Variants in ADAMTS6 observed in about 807,000 individuals in gnomAD.
The protein encoded by ADAMTS6 is ADAM metallopeptidase with thrombospondin type 1 motif 6.
Under a neutral mutation model 144.3 loss-of-function variants are expected in ADAMTS6, and 23 were observed. That is an observed-to-expected ratio of 0.16 (90% confidence interval 0.11 to 0.23). The LOEUF is 0.23. ADAMTS6 is among the 10% of genes least tolerant of loss of function. The pLI is 1.00. For missense variants in ADAMTS6, 999 were observed against 1,379.6 expected, an observed-to-expected ratio of 0.72 and a Z score of 4.37; for synonymous variants, 444 against 457.5, an observed-to-expected ratio of 0.97 and a Z score of 0.38.
chr5:65,428,309 T>C (rs923496688), intron 7 of ADAMTS6, among the ~76,000 whole-genome samples: 1 of 148,524 alleles, frequency 6.7e-6, no homozygotes, highest in Non-Finnish European at 1.5e-5. Context: ...ACAGGACAAA[T>C]AATACAACAG....
intron 20 of ADAMTS6, among the ~76,000 whole-genome samples, chr5:65,206,812 G>GT (rs531539313): frequency 2.3e-4 from 32 of 141,552 alleles, no homozygotes; most frequent in Non-Finnish European, 3.3e-4. Context: ...TTTATATGCT[G>GT]TTTTTTTTCT....
intron 13 of ADAMTS6, among the ~76,000 whole-genome samples, chr5:65,262,366 C>A (rs998577178): frequency 6.6e-6 from 1 of 152,106 alleles, no homozygotes; most frequent in Non-Finnish European, 1.5e-5. Context: ...ATTTGTGATG[C>A]GAATCAAGGC....
intron 7 of ADAMTS6, among the ~76,000 whole-genome samples, chr5:65,397,637 T>C (rs911256397): frequency 3.3e-5 from 5 of 151,724 alleles, no homozygotes; most frequent in Non-Finnish European, 7.4e-5. Context: ...AGGATTTTGG[T>C]AGGCCCAGGA....
chr5:65,348,410 G>A (rs920673865), intron 7 of ADAMTS6, among the ~76,000 whole-genome samples: 6 of 152,032 alleles, frequency 3.9e-5, no homozygotes, highest in Non-Finnish European at 8.8e-5. Flanking sequence ...CAGGCACAGA[G>A]GGACAAATAC....
intron 24 of ADAMTS6, among the ~76,000 whole-genome samples, chr5:65,167,136 C>T (rs144999782): frequency 0.51 from 72,343 of 141,126 alleles, 20,634 homozygotes; most frequent in Non-Finnish European, 0.64. Context: ...AGACTGCTAG[C>T]AAGACTAATA....
chr5:65,462,797 A>T (rs1759722053), intron 3 of ADAMTS6, among the ~76,000 whole-genome samples: 1 of 152,172 alleles, frequency 6.6e-6, no homozygotes, highest in Non-Finnish European at 1.5e-5. Flanking sequence ...GAAAAAGCTA[A>T]TTAGGTTGGC....
chr5:65,194,150 T>C (rs546263277), intron 21 of ADAMTS6, among the ~76,000 whole-genome samples: 216 of 152,216 alleles, frequency 1.4e-3, no homozygotes, highest in Non-Finnish European at 2.4e-3. Flanking sequence ...GATTTCTATC[T>C]CTATAATACC....
intron 24 of ADAMTS6, among the ~76,000 whole-genome samples, chr5:65,167,140 A>G (rs1753220972): frequency 2.1e-5 from 3 of 146,050 alleles, no homozygotes; most frequent in South Asian, 4.6e-4. Flanking sequence ...TGCTAGCAAG[A>G]CTAATAAAGA....
chr5:65,254,981 C>T (rs1157418985), intron 14 of ADAMTS6, among the ~76,000 whole-genome samples: 1 of 152,220 alleles, frequency 6.6e-6, no homozygotes, highest in Non-Finnish European at 1.5e-5. Flanking sequence ...ACTACTACCA[C>T]TACATCTGTG....
intron 7 of ADAMTS6, among the ~76,000 whole-genome samples, chr5:65,335,000 A>C (rs1171906554): frequency 6.6e-6 from 1 of 152,210 alleles, no homozygotes; most frequent in Non-Finnish European, 1.5e-5. Flanking sequence ...AAAGCTTCAC[A>C]AACTACAGGG....
chr5:65,423,466 C>G (rs141149724), intron 7 of ADAMTS6, among the ~76,000 whole-genome samples: 1 of 152,224 alleles, frequency 6.6e-6, no homozygotes, highest in East Asian at 1.9e-4. Context: ...TAAAACCCAA[C>G]TAATGTAGTA....
intron 11 of ADAMTS6, among the ~76,000 whole-genome samples, chr5:65,290,673 C>T (rs1227409797): frequency 6.6e-6 from 1 of 152,062 alleles, no homozygotes; most frequent in African/African-American, 2.4e-5. Context: ...ATATTGTGTT[C>T]TTAATAAGAA....
intron 7 of ADAMTS6, among the ~76,000 whole-genome samples, chr5:65,397,646 G>A (rs543933932): frequency 6.6e-6 from 1 of 151,990 alleles, no homozygotes; most frequent in Non-Finnish European, 1.5e-5. Context: ...GTAGGCCCAG[G>A]AGACCAGATT....
intron 7 of ADAMTS6, among the ~76,000 whole-genome samples, chr5:65,442,486 C>A (rs1472411418): frequency 6.6e-6 from 1 of 152,058 alleles, no homozygotes; most frequent in Non-Finnish European, 1.5e-5. Flanking sequence ...GAAATAATAT[C>A]AATTCTATAC....
chr5:65,158,356 T>C (rs1423351), intron 24 of ADAMTS6, among the ~76,000 whole-genome samples: 115,337 of 152,092 alleles, frequency 0.76, 44,380 homozygotes, highest in African/African-American at 0.88. Flanking sequence ...CCAAAGCCAC[T>C]ATTAGACATC....
intron 8 of ADAMTS6, 45 bp downstream of exon 8, chr5:65,333,997 T>TAAAAAAA (rs750637450): frequency 2.4e-4 from 203 of 842,228 alleles, no homozygotes; most frequent in African/African-American, 1.0e-3. Context: ...CTACCTTTAT[T>TAAAAAAA]AAAAAAAAAA....
chr5:65,275,534 A>G (rs1171885256), intron 11 of ADAMTS6, among the ~76,000 whole-genome samples: 4 of 151,926 alleles, frequency 2.6e-5, no homozygotes, highest in Non-Finnish European at 5.9e-5. Flanking sequence ...TTACGATCCA[A>G]TATTACAAAT....
rs10529076 is a variant in ADAMTS6 at position 65,162,620 on chromosome 5, TACACACAC to T, written c.3244+7989_3244+7996del. Among the ~76,000 whole-genome samples, 448 of 145,908 alleles carry T rather than the reference TACACACAC, an allele frequency of 3.1e-3. 1 individual carries two copies. The highest frequency in any genetic ancestry group is 4.6e-3 in the African/African-American group (181 of 39,156). ...TTGTTGTCAGGATTATATAAGATAC[TACACACAC>T]ACACACACACACACACACACACACA... On this transcript the variant is annotated intron_variant, in intron 24 of 24. Coordinates refer to ENST00000381055, the MANE Select transcript of ADAMTS6 (RefSeq NM_197941.4).
At chr5:65,356,172 C>T (rs1749308427) in intron 7 of ADAMTS6, among the ~76,000 whole-genome samples, 1 of 151,574 alleles carries the variant, frequency 6.6e-6, no homozygotes, top group Admixed American at 6.6e-5. Context: ...TTCATACATT[C>T]AATTCATCAA....
Sources: gnomAD v4.1 joint callset for allele counts (sites outside exome capture counted in the v4.1 genomes callset) on GRCh38, gnomAD v4.1.1 for gene constraint, MANE v1.5 for transcripts, NCBI Gene and HGNC (gene_info 2026-07-23, HGNC 2026-07-21) for gene names.